Variants in ACOT13 observed in about 807,000 individuals in gnomAD.
ACOT13 encodes the protein acyl-coenzyme A thioesterase 13.
Under a neutral mutation model 11.8 loss-of-function variants are expected in ACOT13, and 10 were observed. The ratio of observed to expected loss-of-function variants is 0.85; its 90% CI spans 0.53 to 1.44. ACOT13 has a LOEUF of 1.44. ACOT13 is among the 40% of genes most tolerant of loss of function. The pLI is 0.00. For missense variants in ACOT13, 172 were observed against 174.1 expected (o/e 0.99, Z 0.07); for synonymous variants, 53 against 61.0 (o/e 0.87, Z 0.61).
At chr6:24,697,733 G>A in intron 1 of ACOT13, 150 bp from the exon 2 acceptor site, 2 of 591,504 alleles carry the variant, frequency 3.4e-6, no homozygotes, top group East Asian at 6.2e-5. Context: ...CTTGCATAAG[G>A]GTTAATTTCT....
At chr6:24,686,420 G>C (rs534942069) in intron 1 of ACOT13, among the ~76,000 whole-genome samples, 3 of 152,284 alleles carry the variant, frequency 2.0e-5, no homozygotes, top group Non-Finnish European at 2.9e-5. Flanking sequence ...TCTGCAGGCT[G>C]TACAAGAAGT....
At chr6:24,680,967 T>C (rs1425712144) in intron 1 of ACOT13, among the ~76,000 whole-genome samples, 1 of 152,240 alleles carries the variant, frequency 6.6e-6, no homozygotes, top group African/African-American at 2.4e-5. Context: ...ATTGTGGTTT[T>C]TTCCCTCAAT....
chr6:24,694,620 C>T (rs1245392011), intron 1 of ACOT13, among the ~76,000 whole-genome samples: 3 of 152,138 alleles, frequency 2.0e-5, no homozygotes, highest in African/African-American at 7.2e-5. Context: ...TCCCTACTCC[C>T]CTTCCTCATC....
At chr6:24,667,834 A>G (rs766931799) in intron 1 of ACOT13, among the ~76,000 whole-genome samples, 2 of 152,238 alleles carry the variant, frequency 1.3e-5, no homozygotes, top group African/African-American at 2.4e-5. Context: ...CTCCTGAAGA[A>G]GTAAGTTAGC....
chr6:24,686,318 T>G (rs567076484), intron 1 of ACOT13, among the ~76,000 whole-genome samples: 2 of 152,176 alleles, frequency 1.3e-5, no homozygotes, highest in Non-Finnish European at 2.9e-5. Context: ...AACATAAAAT[T>G]TAATACCTGT....
intron 1 of ACOT13, among the ~76,000 whole-genome samples, chr6:24,677,560 G>A (rs1055530791): frequency 6.6e-6 from 1 of 152,210 alleles, no homozygotes; most frequent in African/African-American, 2.4e-5. Flanking sequence ...CCTCGGACCT[G>A]TATAAGGACT....
chr6:24,677,947 T>C (rs2127622902), intron 1 of ACOT13, among the ~76,000 whole-genome samples: 1 of 152,304 alleles, frequency 6.6e-6, no homozygotes, highest in African/African-American at 2.4e-5. Context: ...GAGCATTTTG[T>C]TTGGAAACCT....
chr6:24,686,355 G>C (rs980878566), intron 1 of ACOT13, among the ~76,000 whole-genome samples: 4 of 152,088 alleles, frequency 2.6e-5, no homozygotes, highest in African/African-American at 9.7e-5. Flanking sequence ...TGCTATAAAG[G>C]AATACCTGAG....
intron 1 of ACOT13, chr6:24,687,541 T>G: frequency 7.1e-7 from 1 of 1,403,190 alleles, no homozygotes; most frequent in Non-Finnish European, 9.3e-7. Context: ...AAAGTCATCT[T>G]TATGGAAATG....
chr6:24,667,966 G>A (rs1399911497), intron 1 of ACOT13, among the ~76,000 whole-genome samples: 1 of 152,046 alleles, frequency 6.6e-6, no homozygotes, highest in African/African-American at 2.4e-5. Context: ...GTGCAATGGC[G>A]CGATCTCGGC....
rs1282497380 is a variant in ACOT13, at chr6:24,694,300, A to G, written c.82-3583A>G. Among the ~76,000 whole-genome samples, 3 of 152,124 alleles carry G rather than the reference A, an allele frequency of 2.0e-5. No homozygotes were observed. In the East Asian group the frequency reaches 5.8e-4, roughly 29 times the overall value. The stretch of plus-strand genomic sequence containing the variant: ...TTGACATCATAAAAGCCTCCATACC[A>G]TCTTCACCAAGACACCTAAGGAATC... On this transcript the variant is annotated intron_variant, in intron 1 of 2. Coordinates refer to ENST00000230048, the MANE Select transcript of ACOT13 (RefSeq NM_018473.4).
chr6:24,691,631 G>A (rs1376089791), intron 1 of ACOT13, among the ~76,000 whole-genome samples: 3 of 151,976 alleles, frequency 2.0e-5, no homozygotes, highest in Non-Finnish European at 4.4e-5. Flanking sequence ...AAACAGTGAC[G>A]TTTCAATAAA....
intron 1 of ACOT13, among the ~76,000 whole-genome samples, chr6:24,689,951 A>C (rs1421724226): frequency 6.6e-6 from 1 of 152,326 alleles, no homozygotes; most frequent in East Asian, 1.9e-4. Flanking sequence ...TGATGAATAC[A>C]TTTTCTCTGC....
At chr6:24,686,949 A>G (rs1778641917) in intron 1 of ACOT13, among the ~76,000 whole-genome samples, 1 of 152,166 alleles carries the variant, frequency 6.6e-6, no homozygotes, top group Non-Finnish European at 1.5e-5. Context: ...ATCTTGCATG[A>G]GCAAGAGGGG....
chr6:24,683,461 A>G (rs1014561226), intron 1 of ACOT13, among the ~76,000 whole-genome samples: 1 of 151,956 alleles, frequency 6.6e-6, no homozygotes, highest in Non-Finnish European at 1.5e-5. Flanking sequence ...CGCTTGCACC[A>G]AGAGGCGGAG....
intron 1 of ACOT13, among the ~76,000 whole-genome samples, chr6:24,673,391 C>A (rs531457226): frequency 1.3e-5 from 2 of 152,062 alleles, no homozygotes; most frequent in Non-Finnish European, 2.9e-5. Flanking sequence ...AATAGAGTCT[C>A]GCACTGTTGC....
At chr6:24,697,753 T>C in intron 1 of ACOT13, 130 bp from the exon 2 acceptor site, 1 of 663,406 alleles carries the variant, frequency 1.5e-6, no homozygotes, top group South Asian at 2.5e-5. Flanking sequence ...TATCAGAGAT[T>C]GGCAATTTAC....
chr6:24,668,875 A>C (rs1778310120), intron 1 of ACOT13, among the ~76,000 whole-genome samples: 1 of 152,174 alleles, frequency 6.6e-6, no homozygotes, highest in South Asian at 2.1e-4. Flanking sequence ...AGGTACTTTC[A>C]ATTTCCCATC....
In ACOT13 at chr6:24,702,779, G is replaced by C. The variant is rs1778914501; in HGVS notation, c.*1164G>C. 6.6e-6 allele frequency: 1 copy of C among 151,994 alleles called. No individual in the cohort carries two copies. The highest frequency in any genetic ancestry group is 1.5e-5 in the Non-Finnish European group (1 of 67,974). The allele number at this position is 151,994 out of a possible 1,614,324, so 9.4% of individuals were successfully genotyped here. A position where few individuals can be genotyped will look rare whatever the true frequency, so the allele number is the denominator to read the frequency against. ...AGGAAATGGTCCAATAGAGGGGGAA[G>C]AAAAAAAGCATGCTACTAGCCCCTT... On this transcript the variant is annotated 3_prime_UTR_variant, in exon 3 of 3. Transcript: ENST00000230048.
Sources: allele counts gnomAD v4.1 joint callset (sites outside exome capture counted in the v4.1 genomes callset), GRCh38; gene constraint gnomAD v4.1.1; transcripts MANE v1.5; gene names NCBI Gene and HGNC (gene_info 2026-07-23, HGNC 2026-07-21).